LMO3: variants seen among roughly 807,000 people sequenced by gnomAD.
The protein encoded by LMO3 is LIM domain only 3.
In LMO3, 2 loss-of-function variants were observed where a neutral mutation model predicts 15.8. The observed-to-expected ratio is 0.13, with a 90% CI of 0.05 to 0.40. LMO3 has a LOEUF of 0.40. Among genes scored for constraint, LMO3 ranks in the 10% least tolerant of loss-of-function variants. The probability of loss-of-function intolerance (pLI) is 0.99; values close to 1 mark genes in which losing one functional copy is unlikely to be tolerated. For missense variants in LMO3, 86 were observed against 182.2 expected (o/e 0.47, Z 3.04); for synonymous variants, 62 against 63.8 (o/e 0.97, Z 0.13).
rs1943556587 is a variant in LMO3 at position 16,593,539 on chromosome 12, T to TAAAAA, written c.206+7115_206+7116insTTTTT. Among the ~76,000 whole-genome samples the TAAAAA allele has an allele frequency of 6.6e-6, 1 of 151,776 alleles. No homozygotes were observed. Among genetic ancestry groups the TAAAAA allele is most frequent in the African/African-American group, 2.4e-5 (1 of 41,394 alleles). ...GGCGAAAAGAGAATCATTACATAAC[T>TAAAAA]ACAAAAATACTGTTGAGAAGAAAAA... On this transcript the variant is annotated intron_variant, in intron 2 of 3. Transcript: ENST00000537304. This position sits in a 1 kb window ranked among gnomAD's most constrained non-coding sequence, Gnocchi z 4.2.
In LMO3 at chr12:16,555,440, G is replaced by T. The variant is rs561631560; in HGVS notation, c.333-4113C>A. ...CAGCAGTTCTGCGGTAAATGACCAC[G>T]AGTTATATTTCTTTTGAACCCTTTG... On this transcript the variant is annotated intron_variant, in intron 3 of 3. Coordinates refer to ENST00000537304, the MANE Select transcript of LMO3 (RefSeq NM_018640.5). This position sits in a 1 kb window ranked among gnomAD's most constrained non-coding sequence, Gnocchi z 5.5. Among the ~76,000 whole-genome samples the T allele has an allele frequency of 6.6e-6, 1 of 152,252 alleles. No homozygotes were observed. Among genetic ancestry groups the T allele is most frequent in the South Asian group, 2.1e-4 (1 of 4,822 alleles).
At position 16,584,664 on chromosome 12, in the gene LMO3, T is replaced by C. The variant is rs1295703292; in HGVS notation, c.206+15991A>G. 2.6e-5 allele frequency among the ~76,000 whole-genome samples: 4 copies of C among 152,078 alleles called. No homozygotes were observed. The highest frequency in any genetic ancestry group is 5.9e-5 in the Non-Finnish European group (4 of 68,000). Reference sequence around the variant, plus strand: ...GGCACAGTGAGGGTCCCAGAAAATATCCCACTTAAGTCCAAACATATTGCA... The same window carrying C: ...GGCACAGTGAGGGTCCCAGAAAATACCCCACTTAAGTCCAAACATATTGCA... On this transcript the variant is annotated intron_variant, in intron 2 of 3. Transcript: ENST00000537304. This position sits in a 1 kb window ranked among gnomAD's most constrained non-coding sequence, Gnocchi z 5.2.
chr12:16,553,026 G>C (rs1942049525), intron 3 of LMO3, among the ~76,000 whole-genome samples: 1 of 152,076 alleles, frequency 6.6e-6, no homozygotes, highest in Admixed American at 6.6e-5. Flanking sequence ...TTGTGGCAAG[G>C]AGTAGAAATG....
rs146023909 is a variant in LMO3, at chr12:16,554,806, G to A, written c.333-3479C>T. 9.4e-3 allele frequency among the ~76,000 whole-genome samples: 1,434 copies of A among 152,174 alleles called. 63 individuals carry two copies. Among genetic ancestry groups the A allele is most frequent in the Admixed American group, 0.077 (1,182 of 15,290 alleles). On this transcript the variant is annotated intron_variant, in intron 3 of 3. Transcript: ENST00000537304. ...CCAGTAGCTCTGACTACAGGCGCCC[G>A]CCACCTCGACCGGCTCATTTTTTTG...
intron 2 of LMO3, among the ~76,000 whole-genome samples, chr12:16,579,163 G>A (rs1943085220): frequency 6.6e-6 from 1 of 151,984 alleles, no homozygotes; most frequent in African/African-American, 2.4e-5. Flanking sequence ...TTCTCTTCTA[G>A]CATTAAATTG....
chr12:16,564,202 T>C (rs1942507629), intron 2 of LMO3, among the ~76,000 whole-genome samples: 1 of 152,180 alleles, frequency 6.6e-6, no homozygotes. Flanking sequence ...CTAACTTTCT[T>C]AGGGGTAAGA....
chr12:16,578,288 T>A (rs1342260564), intron 2 of LMO3, among the ~76,000 whole-genome samples: 2 of 152,192 alleles, frequency 1.3e-5, no homozygotes, highest in African/African-American at 4.8e-5. Flanking sequence ...TTGTATAAAC[T>A]ACTCAAGTTT....
intron 1 of LMO3, chr12:16,605,323 G>T (rs1297941848): frequency 1.4e-5 from 16 of 1,161,148 alleles, no homozygotes; most frequent in Non-Finnish European, 1.7e-5. Flanking sequence ...ACAGCAATCT[G>T]AGTAGTCCCC....
At position 16,593,516 on chromosome 12, in the gene LMO3, C is replaced by T. The variant is rs543947736; in HGVS notation, c.206+7139G>A. ...AACATGATAGCGCAAAGGAATTCGG[C>T]GAAAAGAGAATCATTACATAACTAC... On this transcript the variant is annotated intron_variant, in intron 2 of 3. Transcript: ENST00000537304. This position sits in a 1 kb window ranked among gnomAD's most constrained non-coding sequence, Gnocchi z 4.2. 5.1e-4 allele frequency among the ~76,000 whole-genome samples: 78 copies of T among 151,492 alleles called. No individual in the cohort carries two copies. Among genetic ancestry groups the T allele is most frequent in the African/African-American group, 1.8e-3 (75 of 41,344 alleles).
chr12:16,560,331 GAATATAATTTCCACCTA>G lies in LMO3; in HGVS notation c.332+65_332+81del. 7.1e-7 allele frequency: 1 copy of G among 1,417,548 alleles called. No homozygotes were observed. 87.8% of individuals were successfully genotyped at this position (1,417,548 alleles called of 1,614,324 possible). ...CTGAGATTGATTGCTTTAAATGTAT[GAATATAATTTCCACCTA>G]TTAAATAAATAGCCAGCACAGAGAG... On this transcript the variant is annotated intron_variant, in intron 3 of 3. Transcript: ENST00000537304. This position sits in a 1 kb window ranked among gnomAD's most constrained non-coding sequence, Gnocchi z 5.0.
chr12:16,600,504 C>T, intron 2 of LMO3, 151 bp downstream of exon 2: 1 of 641,008 alleles, frequency 1.6e-6, no homozygotes, highest in Non-Finnish European at 2.7e-6. Context: ...TTGAGTAACA[C>T]ACACAGGGCA....
chr12:16,587,614 T>C lies in LMO3; in HGVS notation c.206+13041A>G, dbSNP rs1282128069. Among the ~76,000 whole-genome samples, 1 of 152,106 alleles carries C rather than the reference T, an allele frequency of 6.6e-6. No individual in the cohort carries two copies. Among genetic ancestry groups the C allele is most frequent in the Non-Finnish European group, 1.5e-5 (1 of 68,004 alleles). On this transcript the variant is annotated intron_variant, in intron 2 of 3. Transcript: ENST00000537304. This position sits in a 1 kb window ranked among gnomAD's most constrained non-coding sequence, Gnocchi z 4.3. ...CTTAAATTGTATTTCTGTCAGTGTA[T>C]CATTTTTTTAAGCAATGGACCCTAT... is the stretch of plus-strand genomic sequence containing the variant.
intron 3 of LMO3, among the ~76,000 whole-genome samples, chr12:16,552,714 T>C (rs781611362): frequency 7.9e-5 from 12 of 152,104 alleles, no homozygotes; most frequent in Non-Finnish European, 1.8e-4. Flanking sequence ...AAGCACAGAC[T>C]ATGCACTGAT....
rs1406103727 is a variant in LMO3, at chr12:16,584,105, T to C, written c.206+16550A>G. Among the ~76,000 whole-genome samples the C allele has an allele frequency of 6.6e-6, 1 of 152,206 alleles. No homozygotes were observed. The highest frequency in any genetic ancestry group is 1.5e-5 in the Non-Finnish European group (1 of 68,040). On this transcript the variant is annotated intron_variant, in intron 2 of 3. Coordinates refer to ENST00000537304, the MANE Select transcript of LMO3 (RefSeq NM_018640.5). This position sits in a 1 kb window ranked among gnomAD's most constrained non-coding sequence, Gnocchi z 5.2. ...AGGGCTTGGTTTCAAGTGAGTCATC[T>C]CTAAGCCTTTTAGAATCCCTAGAAT... is the stretch of plus-strand genomic sequence containing the variant.
chr12:16,596,178 G>A lies in LMO3; in HGVS notation c.206+4477C>T, dbSNP rs997359532. On this transcript the variant is annotated intron_variant, in intron 2 of 3. Transcript: ENST00000537304. The surrounding 1 kb of genome is among the most constrained non-coding windows in gnomAD (Gnocchi z 4.3). ...CAATTTATTTTTATTTTCTCTTTTA[G>A]AGTTATTATATTATTATATTAAAGC... Among the ~76,000 whole-genome samples the A allele has an allele frequency of 1.3e-5, 2 of 151,344 alleles. No individual in the cohort carries two copies. Among genetic ancestry groups the A allele is most frequent in the Non-Finnish European group, 3.0e-5 (2 of 67,512 alleles).
intron 2 of LMO3, 21 bp downstream of exon 2, chr12:16,600,634 G>T: frequency 6.3e-7 from 1 of 1,597,020 alleles, no homozygotes; most frequent in Non-Finnish European, 8.6e-7. Context: ...GTCATCACTG[G>T]TGTGCAAGGA....
chr12:16,551,340 TAAACA>T lies in LMO3; in HGVS notation c.333-18_333-14del. 6.8e-7 allele frequency: 1 copy of T among 1,475,888 alleles called. No homozygotes were observed. Among genetic ancestry groups the T allele is most frequent in the Non-Finnish European group, 9.5e-7 (1 of 1,054,796 alleles). The allele number at this position is 1,475,888 out of a possible 1,614,324, so 91.4% of individuals were successfully genotyped here. On this transcript the variant is annotated splice_polypyrimidine_tract_variant and intron_variant, in intron 3 of 3. Coordinates refer to ENST00000537304, the MANE Select transcript of LMO3 (RefSeq NM_018640.5). ...TCCAACACAAAATCTGAAAATATTT[TAAACA>T]ATAAAATGTGGTTAAGACCATTTCA...
Position 16,587,863 on chromosome 12 carries a change from T to C in LMO3, c.206+12792A>G, listed in dbSNP as rs1943369802. ...CTCATATTAATGCTGCCAGTAGCTA[T>C]GGTATAGTGTTAGAAAAAGTCCACA... On this transcript the variant is annotated intron_variant, in intron 2 of 3. Transcript: ENST00000537304. The surrounding 1 kb of genome is among the most constrained non-coding windows in gnomAD (Gnocchi z 4.3). Among the ~76,000 whole-genome samples the C allele has an allele frequency of 6.6e-6, 1 of 152,120 alleles. No individual in the cohort carries two copies. The highest frequency in any genetic ancestry group is 2.4e-5 in the African/African-American group (1 of 41,434).
At chr12:16,595,056 C>T (rs1437287284) in intron 2 of LMO3, among the ~76,000 whole-genome samples, 2 of 151,476 alleles carry the variant, frequency 1.3e-5, no homozygotes, top group South Asian at 2.1e-4. Context: ...CCTAAATACA[C>T]TTGTAGAAAC....
Sources: gnomAD v4.1 joint callset for allele counts (sites outside exome capture counted in the v4.1 genomes callset) on GRCh38, gnomAD v4.1.1 for gene constraint, Gnocchi (gnomAD v3.1) non-coding constraint, MANE v1.5 for transcripts, NCBI Gene and HGNC (gene_info 2026-07-23, HGNC 2026-07-21) for gene names.